The following ABCC4 variants were observed in gnomAD, a reference collection of about 807,000 sequenced individuals.
ABCC4 encodes ATP-binding cassette sub-family C member 4.
Under a neutral mutation model 168.5 loss-of-function variants are expected in ABCC4, and 102 were observed. That is an observed-to-expected ratio of 0.61 (90% CI 0.52 to 0.71). The LOEUF (loss-of-function observed/expected upper bound fraction) is 0.71. Among genes scored for constraint, ABCC4 ranks in the 30% least tolerant of loss-of-function variants. The pLI, the probability that ABCC4 is intolerant of heterozygous loss-of-function variation, is 0.00. For synonymous variants in ABCC4, 617 were observed against 590.7 expected (o/e 1.04, Z -0.65); for missense variants, 1,402 against 1,605.8 (o/e 0.87, Z 2.17).
At chr13:95,232,439 G>A (rs764445767) in intron 4 of ABCC4, among the ~76,000 whole-genome samples, 5 of 152,218 alleles carry the variant, frequency 3.3e-5, no homozygotes, top group Non-Finnish European at 7.4e-5. Context: ...AGCACTTTGG[G>A]AGGCCGAGAC....
intron 19 of ABCC4, among the ~76,000 whole-genome samples, chr13:95,141,705 C>T (rs2036324677): frequency 6.6e-6 from 1 of 152,176 alleles, no homozygotes; most frequent in East Asian, 1.9e-4. Flanking sequence ...ATCCAATCAT[C>T]CAAGGAGCCA....
intron 20 of ABCC4, among the ~76,000 whole-genome samples, chr13:95,091,340 G>C (rs950905367): frequency 5.9e-5 from 9 of 152,072 alleles, no homozygotes; most frequent in African/African-American, 1.4e-4. Flanking sequence ...TAGGTGCACT[G>C]TCATCAGGTT....
intron 23 of ABCC4, chr13:95,073,562 C>T (rs530584959): frequency 7.2e-5 from 21 of 290,324 alleles, no homozygotes; most frequent in Admixed American, 9.7e-5. Flanking sequence ...GTATTACAAA[C>T]GCAAGAAATA....
intron 19 of ABCC4, among the ~76,000 whole-genome samples, chr13:95,145,015 C>A (rs914457872): frequency 3.3e-5 from 5 of 151,708 alleles, no homozygotes; most frequent in African/African-American, 1.2e-4. Context: ...GGGCAAAGGA[C>A]AAAAACAGTC....
intron 1 of ABCC4, among the ~76,000 whole-genome samples, chr13:95,251,960 C>A (rs1349806880): frequency 6.6e-6 from 1 of 152,192 alleles, no homozygotes; most frequent in African/African-American, 2.4e-5. Context: ...CTCCCACAAA[C>A]CCACCCAGGA....
chr13:95,074,078 C>T, intron 23 of ABCC4, 136 bp downstream of exon 23: 1 of 685,616 alleles, frequency 1.5e-6, no homozygotes, highest in Middle Eastern at 2.6e-4. Flanking sequence ...CAACCTGACA[C>T]ATCGTAAATG....
At chr13:95,165,796 T>C (rs1417775243) in intron 15 of ABCC4, among the ~76,000 whole-genome samples, 1 of 152,182 alleles carries the variant, frequency 6.6e-6, no homozygotes. Context: ...TAAGGGGGTC[T>C]TCAAATTATG....
chr13:95,101,911 T>C (rs1476341741), intron 20 of ABCC4, among the ~76,000 whole-genome samples: 1 of 152,190 alleles, frequency 6.6e-6, no homozygotes, highest in African/African-American at 2.4e-5. Flanking sequence ...ATTTAAAAAG[T>C]ACCTTTTATT....
intron 3 of ABCC4, among the ~76,000 whole-genome samples, chr13:95,243,038 C>A (rs902510798): frequency 2.6e-5 from 4 of 152,230 alleles, no homozygotes; most frequent in African/African-American, 9.6e-5. Context: ...TAAAGAATAA[C>A]TGACTACTGT....
At chr13:95,142,478 A>AGT (rs1445114100) in intron 19 of ABCC4, among the ~76,000 whole-genome samples, 2 of 152,196 alleles carry the variant, frequency 1.3e-5, no homozygotes, top group Non-Finnish European at 1.5e-5. Context: ...AATATGGTGC[A>AGT]GTGTATCCTG....
At chr13:95,191,409 T>C (rs1015288032) in intron 9 of ABCC4, among the ~76,000 whole-genome samples, 5 of 152,352 alleles carry the variant, frequency 3.3e-5, no homozygotes, top group Middle Eastern at 6.8e-3. Context: ...CCAGATTTCA[T>C]AGGAATTATA....
At chr13:95,087,904 C>A (rs1232680567) in intron 20 of ABCC4, among the ~76,000 whole-genome samples, 6 of 152,176 alleles carry the variant, frequency 3.9e-5, no homozygotes, top group East Asian at 3.8e-4. Context: ...TAAATCAGAA[C>A]TTTATGGAGT....
At chr13:95,208,241 T>C (rs1195526200) in intron 6 of ABCC4, among the ~76,000 whole-genome samples, 1 of 149,592 alleles carries the variant, frequency 6.7e-6, no homozygotes, top group Non-Finnish European at 1.5e-5. Context: ...AGCCTGACGA[T>C]AACACAGTGG....
At chr13:95,192,313 C>T (rs1319645622) in intron 9 of ABCC4, among the ~76,000 whole-genome samples, 2 of 152,152 alleles carry the variant, frequency 1.3e-5, no homozygotes, top group East Asian at 3.9e-4. Context: ...CCCCTCCTCC[C>T]ACCCCAGCAC....
chr13:95,244,596 TGAAAGAAA>T (rs58076935), intron 3 of ABCC4, among the ~76,000 whole-genome samples: 732 of 34,984 alleles, frequency 0.021, 35 homozygotes, highest in East Asian at 0.041. Flanking sequence ...TAAAATAACA[TGAAAGAAA>T]GAAAGAAAGA....
intron 1 of ABCC4, among the ~76,000 whole-genome samples, chr13:95,249,257 T>C (rs1055010536): frequency 6.6e-6 from 1 of 151,472 alleles, no homozygotes; most frequent in African/African-American, 2.4e-5. Context: ...TTGTGCCCTA[T>C]AAGGAAACCT....
At chr13:95,087,363 C>T (rs1055513386) in intron 20 of ABCC4, among the ~76,000 whole-genome samples, 5 of 152,092 alleles carry the variant, frequency 3.3e-5, no homozygotes, top group African/African-American at 9.7e-5. Flanking sequence ...ACTAAAAACA[C>T]AAAAACTTAG....
chr13:95,083,821 C>A (rs1278544484), intron 20 of ABCC4, among the ~76,000 whole-genome samples: 1 of 152,146 alleles, frequency 6.6e-6, no homozygotes, highest in Non-Finnish European at 1.5e-5. Flanking sequence ...CCACACCAGG[C>A]CCCCATTAGT....
At chr13:95,242,569 C>T (rs887244701) in intron 3 of ABCC4, among the ~76,000 whole-genome samples, 2 of 152,138 alleles carry the variant, frequency 1.3e-5, no homozygotes, top group African/African-American at 2.4e-5. Flanking sequence ...GTCACCCATG[C>T]TGGAGTGCAG....
Sources: gnomAD v4.1 joint callset for allele counts (sites outside exome capture counted in the v4.1 genomes callset) on GRCh38, gnomAD v4.1.1 for gene constraint, MANE v1.5 for transcripts, NCBI Gene and HGNC (gene_info 2026-07-23, HGNC 2026-07-21) for gene names.